SHANK2: variants seen among roughly 807,000 people sequenced by gnomAD.
The protein encoded by SHANK2 is SH3 and multiple ankyrin repeat domains protein 2.
In SHANK2, 43 loss-of-function variants were observed where a neutral mutation model predicts 133.7. The ratio of observed to expected loss-of-function variants is 0.32; its 90% CI spans 0.25 to 0.41. The LOEUF is 0.41. Ranked by LOEUF, SHANK2 falls within the 10% of genes least tolerant of loss-of-function variation. SHANK2 has a pLI of 1.00. For synonymous variants in SHANK2, 1,017 were observed against 952.8 expected (o/e 1.07, Z -1.24); for missense variants, 1,994 against 2,235.8 (o/e 0.89, Z 2.18).
intron 17 of SHANK2, among the ~76,000 whole-genome samples, chr11:70,517,042 C>T (rs2059274914): frequency 6.6e-6 from 1 of 152,146 alleles, no homozygotes; most frequent in Admixed American, 6.5e-5. Context: ...CACTGCACTC[C>T]AGCCTGGGCA....
rs1420351230 is a variant in SHANK2 at position 70,531,173 on chromosome 11, A to C, written c.2062-28242T>G. ...ACTGTCTCAAAAAAAAAAAAAAAAA[A>C]AAAAAAAACAAAAAGGCTAAGATTA... On this transcript the variant is annotated intron_variant, in intron 17 of 25. Transcript: ENST00000601538. Among the ~76,000 whole-genome samples the C allele has an allele frequency of 3.3e-4, 50 of 151,270 alleles. 2 individuals are homozygous for C. Among genetic ancestry groups the C allele is most frequent in the East Asian group, 1.4e-3 (7 of 5,178 alleles).
chr11:71,148,962 G>A (rs7933736), intron 2 of SHANK2, among the ~76,000 whole-genome samples: 55,688 of 152,078 alleles, frequency 0.37, 12,926 homozygotes, highest in African/African-American at 0.66. Flanking sequence ...TTCCCTCTCG[G>A]AGGAAGACAG....
At chr11:70,596,101 T>C (rs993029292) in intron 17 of SHANK2, among the ~76,000 whole-genome samples, 1 of 152,138 alleles carries the variant, frequency 6.6e-6, no homozygotes, top group Admixed American at 6.5e-5. Flanking sequence ...GCTGACACCT[T>C]GGTTTCAGAA....
chr11:70,540,842 CAA>C lies in SHANK2; in HGVS notation c.2062-37913_2062-37912del, dbSNP rs10687305. The stretch of plus-strand genomic sequence containing the variant: ...CCAGCCTGGGCGAAAGAGTAAGACT[CAA>C]AAAAAAAAAAAAAAAAACTCAGATA... On this transcript the variant is annotated intron_variant, in intron 17 of 25. Coordinates refer to ENST00000601538, the MANE Select transcript of SHANK2 (RefSeq NM_012309.5). Among the ~76,000 whole-genome samples, 65 of 111,126 alleles carry C rather than the reference CAA, an allele frequency of 5.8e-4. 1 individual carries two copies. Among genetic ancestry groups the C allele is most frequent in the African/African-American group, 2.0e-3 (58 of 29,602 alleles). 72.9% of individuals were successfully genotyped at this position (111,126 alleles called of 152,430 possible).
intron 3 of SHANK2, among the ~76,000 whole-genome samples, chr11:71,145,129 G>A (rs1952620008): frequency 6.6e-6 from 1 of 152,192 alleles, no homozygotes; most frequent in African/African-American, 2.4e-5. Flanking sequence ...TGTACTACCA[G>A]GGAAGCCCCT....
intron 11 of SHANK2, among the ~76,000 whole-genome samples, chr11:70,857,907 G>A (rs530401537): frequency 6.6e-6 from 1 of 152,310 alleles, no homozygotes; most frequent in Non-Finnish European, 1.5e-5. Flanking sequence ...CCAGGATGGG[G>A]CTACATCTGA....
At chr11:70,605,584 C>T (rs1016129862) in intron 17 of SHANK2, among the ~76,000 whole-genome samples, 6 of 152,250 alleles carry the variant, frequency 3.9e-5, no homozygotes, top group African/African-American at 1.4e-4. Context: ...TAGCCATTTC[C>T]ACTCTACTGA....
chr11:71,185,578 G>C (rs1219654494), intron 2 of SHANK2, among the ~76,000 whole-genome samples: 2 of 152,156 alleles, frequency 1.3e-5, no homozygotes, highest in Non-Finnish European at 2.9e-5. Flanking sequence ...GCCTCCAGGT[G>C]ACTACCCAGC....
chr11:70,873,764 A>G (rs1949510256), intron 11 of SHANK2, among the ~76,000 whole-genome samples: 1 of 150,332 alleles, frequency 6.7e-6, no homozygotes, highest in Non-Finnish European at 1.5e-5. Flanking sequence ...TTGCCAGTTC[A>G]TGAACAACTT....
chr11:70,759,538 G>T (rs1460091691), intron 14 of SHANK2, among the ~76,000 whole-genome samples: 6 of 152,162 alleles, frequency 3.9e-5, no homozygotes, highest in South Asian at 2.1e-4. Flanking sequence ...ACAGGAGGTT[G>T]GGCACGTCTT....
intron 20 of SHANK2, among the ~76,000 whole-genome samples, chr11:70,501,318 C>T (rs574807714): frequency 3.3e-5 from 5 of 152,240 alleles, no homozygotes; most frequent in Non-Finnish European, 7.3e-5. Flanking sequence ...TTGCTAGACT[C>T]CTCTCGGGAA....
chr11:70,620,850 A>G (rs782277442), intron 17 of SHANK2, among the ~76,000 whole-genome samples: 1 of 151,948 alleles, frequency 6.6e-6, no homozygotes, highest in Non-Finnish European at 1.5e-5. Context: ...GCAGGAAGCG[A>G]CCCCTCACCA....
chr11:71,108,269 CCA>C (rs782169290), intron 6 of SHANK2, among the ~76,000 whole-genome samples: 2 of 152,220 alleles, frequency 1.3e-5, no homozygotes, highest in Non-Finnish European at 2.9e-5. Flanking sequence ...CGAGACGCAT[CCA>C]CGTCAGGGAA....
At chr11:70,504,061 G>T (rs145894159) in intron 17 of SHANK2, among the ~76,000 whole-genome samples, 25 of 152,334 alleles carry the variant, frequency 1.6e-4, no homozygotes, top group Admixed American at 3.9e-4. Context: ...CAGGGAGGGG[G>T]AAGCCCCAGA....
intron 11 of SHANK2, among the ~76,000 whole-genome samples, chr11:70,825,065 A>G (rs1948617407): frequency 6.6e-6 from 1 of 152,082 alleles, no homozygotes; most frequent in South Asian, 2.1e-4. Flanking sequence ...GCTGCCTCCC[A>G]CAGCCGACTG....
At chr11:70,508,611 G>T (rs2059162653) in intron 17 of SHANK2, among the ~76,000 whole-genome samples, 1 of 152,182 alleles carries the variant, frequency 6.6e-6, no homozygotes, top group Non-Finnish European at 1.5e-5. Context: ...GGGAAATTTG[G>T]GCCAGGTGTG....
intron 17 of SHANK2, chr11:70,570,491 GC>G (rs2060032296): frequency 6.6e-6 from 1 of 152,192 alleles, no homozygotes; most frequent in Non-Finnish European, 1.5e-5. Flanking sequence ...CCCCAGGGAG[GC>G]CTTGCCCTGA....
At chr11:71,119,205 C>T (rs1952039619) in intron 3 of SHANK2, among the ~76,000 whole-genome samples, 173 bp from the exon 4 acceptor site, 2 of 152,166 alleles carry the variant, frequency 1.3e-5, no homozygotes, top group Non-Finnish European at 1.5e-5. Context: ...GTTGCTGGGA[C>T]ACAGACATTC....
At chr11:70,779,281 T>A (rs1947432895) in intron 14 of SHANK2, among the ~76,000 whole-genome samples, 1 of 151,082 alleles carries the variant, frequency 6.6e-6, no homozygotes, top group African/African-American at 2.4e-5. Context: ...GGGTGGGGGA[T>A]GCAGGAGTCT....
Sources: gnomAD v4.1 joint callset for allele counts (sites outside exome capture counted in the v4.1 genomes callset) on GRCh38, gnomAD v4.1.1 for gene constraint, MANE v1.5 for transcripts, NCBI Gene and HGNC (gene_info 2026-07-23, HGNC 2026-07-21) for gene names.